TUBGCP2: variants seen among roughly 807,000 people sequenced by gnomAD.
The protein encoded by TUBGCP2 is gamma-tubulin complex component 2.
A neutral mutation model predicts 92.2 loss-of-function variants in TUBGCP2; 55 were observed. That is an observed-to-expected ratio of 0.60 (90% CI 0.48 to 0.75). The LOEUF (loss-of-function observed/expected upper bound fraction) is 0.75. Among genes scored for constraint, TUBGCP2 ranks in the 30% least tolerant of loss-of-function variants. The pLI, the probability that TUBGCP2 is intolerant of heterozygous loss-of-function variation, is 0.00. For missense variants in TUBGCP2, 1,093 were observed against 1,188.9 expected (o/e 0.92, Z 1.19); for synonymous variants, 533 against 505.2 (o/e 1.06, Z -0.74).
At chr10:133,290,418 G>C (rs1306213881) in intron 8 of TUBGCP2, 5 of 155,604 alleles carry the variant, frequency 3.2e-5, no homozygotes, top group African/African-American at 1.2e-4. Flanking sequence ...GCTTGAACCT[G>C]GGAGGTGGGG....
At chr10:133,299,689 G>T in intron 3 of TUBGCP2, 86 bp from the exon 4 acceptor site, 2 of 1,211,162 alleles carry the variant, frequency 1.7e-6, no homozygotes, top group Non-Finnish European at 1.2e-6. Flanking sequence ...CACCAGGACG[G>T]CTCCCCAACC....
chr10:133,311,908 C>G (rs756440351), upstream of TUBGCP2: 51 of 1,613,056 alleles, frequency 3.2e-5, no homozygotes, highest in Non-Finnish European at 4.1e-5. Context: ...TTCTGGGCTG[C>G]ACCTGGGCCG....
At position 133,292,195 on chromosome 10, in the gene TUBGCP2, CT is replaced by C. The variant is rs1444615965; in HGVS notation, c.1214+303del. 4.3e-3 allele frequency among the ~76,000 whole-genome samples: 3 copies of C among 696 alleles called. 1 individual carries two copies. Among genetic ancestry groups the C allele is most frequent in the Non-Finnish European group, 0.012 (3 of 256 alleles). 0.5% of individuals were successfully genotyped at this position (696 alleles called of 152,430 possible). ...TGCACACTCCGTGTCCCCCGTGTCCCTCCGTGTCCCCCATGTCCCCGTGTCC... is the reference window on the plus strand; with the variant it reads ...TGCACACTCCGTGTCCCCCGTGTCCCCCGTGTCCCCCATGTCCCCGTGTCC... On this transcript the variant is annotated intron_variant, in intron 8 of 17. Coordinates refer to ENST00000252936, the MANE Select transcript of TUBGCP2 (RefSeq NM_006659.4).
chr10:133,298,854 G>A (rs796170654), intron 4 of TUBGCP2, among the ~76,000 whole-genome samples: 5 of 152,228 alleles, frequency 3.3e-5, no homozygotes, highest in African/African-American at 1.2e-4. Context: ...CACTCAACAC[G>A]CACCCAGGAG....
chr10:133,301,480 G>A (rs2136137031), intron 2 of TUBGCP2, among the ~76,000 whole-genome samples: 1 of 152,162 alleles, frequency 6.6e-6, no homozygotes, highest in African/African-American at 2.4e-5. Context: ...AACTAAACAT[G>A]GGTGTCCCCA....
chr10:133,288,765 T>C (rs1456750985), intron 10 of TUBGCP2, 75 bp downstream of exon 10: 2 of 1,459,184 alleles, frequency 1.4e-6, no homozygotes, highest in African/African-American at 2.8e-5. Flanking sequence ...AACCCAGCGA[T>C]CTCAGCCCCA....
At chr10:133,293,315 C>T (rs1245962344) in intron 6 of TUBGCP2, 77 bp from the exon 7 acceptor site, 1 of 1,527,960 alleles carries the variant, frequency 6.5e-7, no homozygotes, top group Non-Finnish European at 9.0e-7. Context: ...TGAGTCTCAT[C>T]CCAAACAGGA....
chr10:133,308,937 CG>C, upstream of TUBGCP2: 1 of 1,224,328 alleles, frequency 8.2e-7, no homozygotes, highest in Non-Finnish European at 1.0e-6. Flanking sequence ...CGCCCGCGCC[CG>C]GGGTGATGCA....
chr10:133,311,620 AG>A (rs35466218), upstream of TUBGCP2: 11 of 1,072,100 alleles, frequency 1.0e-5, no homozygotes, highest in African/African-American at 1.7e-4. Context: ...TGCTACTTAC[AG>A]GGAAATCCAG....
rs781137161 is a variant in TUBGCP2 at position 133,279,485 on chromosome 10, A to T, written c.*281T>A. ...ATCTTTGCTTGCTCCTGGCTTAAAC[A>T]CCATGTATTTCCACTTTGAGGCCAA... On this transcript the variant is annotated 3_prime_UTR_variant, in exon 18 of 18. Coordinates refer to ENST00000252936, the MANE Select transcript of TUBGCP2 (RefSeq NM_006659.4). 1 of 458,396 alleles carries T rather than the reference A, an allele frequency of 2.2e-6. No homozygotes were observed. The highest frequency in any genetic ancestry group is 3.8e-6 in the Non-Finnish European group (1 of 261,510). 28.4% of individuals were successfully genotyped at this position (458,396 alleles called of 1,614,324 possible). A position where few individuals can be genotyped will look rare whatever the true frequency, so the allele number is the denominator to read the frequency against.
rs199910091 is a variant in TUBGCP2, at chr10:133,292,568, G to A, written c.1145C>T (p.Ala382Val). The change falls in exon 8 of 18, where the codon GCG becomes GTG. Residue 382 changes from alanine (A) to valine (V), a missense_variant. By Grantham distance (64) the Ala-to-Val change is moderately conservative. Coordinates refer to ENST00000252936, the MANE Select transcript of TUBGCP2 (RefSeq NM_006659.4). ...AACCTCGAAGTAGGGAGCACTGGCC[G>A]CCTTGGTTAGGTACAGGCATAGCTC... ...AQELCLYLTK[A>V]ASAPYFEVLE... The A allele has an allele frequency of 4.1e-4, 654 of 1,613,958 alleles. No homozygotes were observed. Among genetic ancestry groups the A allele is most frequent in the Admixed American group, 1.3e-3 (79 of 60,014 alleles).
rs748286228 is a variant in TUBGCP2, at chr10:133,292,610, CCT to C, written c.1101_1102del (p.Asp369GlnfsTer37). On this transcript the variant is annotated frameshift_variant, in exon 8 of 18. Coordinates refer to ENST00000252936, the MANE Select transcript of TUBGCP2 (RefSeq NM_006659.4). LOFTEE classifies it high-confidence loss of function. ...GCATAGCTCCTGCGCCTGGCTGTCC[CCT>C]GTGTAGCTGAAGCTCCTGTCGTGGA... The C allele has an allele frequency of 6.7e-5, 108 of 1,614,068 alleles. No homozygotes were observed. Among genetic ancestry groups the C allele is most frequent in the Non-Finnish European group, 8.3e-5 (98 of 1,180,030 alleles).
intron 4 of TUBGCP2, 40 bp downstream of exon 4, chr10:133,299,387 G>A (rs1847575740): frequency 1.3e-6 from 2 of 1,523,492 alleles, no homozygotes; most frequent in Non-Finnish European, 8.8e-7. Flanking sequence ...CACAGGACCT[G>A]CTGCAGCATG....
upstream of TUBGCP2, among the ~76,000 whole-genome samples, chr10:133,309,616 C>A (rs1294892372): frequency 1.3e-5 from 2 of 152,236 alleles, no homozygotes; most frequent in Non-Finnish European, 2.9e-5. Context: ...ACTCTTCCAC[C>A]ACCTAGCCTG....
At position 133,293,241 on chromosome 10, in the gene TUBGCP2, G is replaced by A; in HGVS notation, c.825-3C>T. On this transcript the variant is annotated splice_polypyrimidine_tract_variant and splice_region_variant and intron_variant, in intron 6 of 17. Coordinates refer to ENST00000252936, the MANE Select transcript of TUBGCP2 (RefSeq NM_006659.4). ...AGGAAGACTTCTCTTCAATGAACCTGGAAGAAAAGCTGTCAGACTTCCTCA... is the reference window on the plus strand; with the variant it reads ...AGGAAGACTTCTCTTCAATGAACCTAGAAGAAAAGCTGTCAGACTTCCTCA... The A allele has an allele frequency of 6.2e-7, 1 of 1,612,604 alleles. No individual in the cohort carries two copies. Among genetic ancestry groups the A allele is most frequent in the South Asian group, 1.1e-5 (1 of 91,074 alleles).
chr10:133,289,413 G>A (rs975247657), intron 9 of TUBGCP2, among the ~76,000 whole-genome samples: 6 of 151,860 alleles, frequency 4.0e-5, no homozygotes, highest in Non-Finnish European at 5.9e-5. Context: ...AAGTCCCCGC[G>A]CCACTGCCCT....
chr10:133,288,689 G>A (rs1847196012), intron 10 of TUBGCP2, 151 bp downstream of exon 10: 1 of 954,976 alleles, frequency 1.0e-6, no homozygotes, highest in South Asian at 1.8e-5. Context: ...TGAGTGCCAG[G>A]TCCTTGAGCT....
upstream of TUBGCP2, chr10:133,309,098 T>G: frequency 7.6e-7 from 1 of 1,315,826 alleles, no homozygotes; most frequent in Non-Finnish European, 9.7e-7. Context: ...TTCTTCGAGG[T>G]GCGTGAGCAA....
chr10:133,304,635 C>T (rs983123302), intron 1 of TUBGCP2, among the ~76,000 whole-genome samples: 1 of 152,118 alleles, frequency 6.6e-6, no homozygotes, highest in African/African-American at 2.4e-5. Flanking sequence ...ACCGAGGGCA[C>T]GAGCTGTTCC....
Sources: gnomAD v4.1 joint callset for allele counts (sites outside exome capture counted in the v4.1 genomes callset) on GRCh38, gnomAD v4.1.1 for gene constraint, MANE v1.5 for transcripts, NCBI Gene and HGNC (gene_info 2026-07-23, HGNC 2026-07-21) for gene names.